ULK2: variants seen among roughly 807,000 people sequenced by gnomAD.
ULK2 encodes the protein serine/threonine-protein kinase ULK2.
ULK2 carries 76 observed loss-of-function variants against 127.5 expected under a neutral mutation model. That is an observed-to-expected ratio of 0.60 (90% CI 0.50 to 0.72). The LOEUF is 0.72. Among genes scored for constraint, ULK2 ranks in the 30% least tolerant of loss-of-function variants. The probability of loss-of-function intolerance (pLI) is 0.00; values close to 1 mark genes in which losing one functional copy is unlikely to be tolerated. For synonymous variants in ULK2, 452 were observed against 461.9 expected (o/e 0.98, Z 0.28); for missense variants, 1,144 against 1,295.9 (o/e 0.88, Z 1.80).
intron 20 of ULK2, 112 bp downstream of exon 20, chr17:19,795,510 A>G (rs1033526266): frequency 4.4e-6 from 4 of 900,742 alleles, no homozygotes; most frequent in East Asian, 2.4e-5. Flanking sequence ...GAAATAATAC[A>G]TTTGTGTTGT....
At chr17:19,852,801 TTTGTTGTTG>T (rs1169484249) in intron 3 of ULK2, among the ~76,000 whole-genome samples, 1 of 151,190 alleles carries the variant, frequency 6.6e-6, no homozygotes. Flanking sequence ...TGGCTAGTTT[TTTGTTGTTG>T]TTGTTGTTGT....
At chr17:19,821,938 G>A (rs1363232208) in intron 12 of ULK2, among the ~76,000 whole-genome samples, 1 of 151,026 alleles carries the variant, frequency 6.6e-6, no homozygotes, top group African/African-American at 2.4e-5. Context: ...CTCCCACCTT[G>A]GCCTTCCAAA....
chr17:19,814,456 T>TTG (rs1555557154), intron 13 of ULK2, among the ~76,000 whole-genome samples: 3 of 18,258 alleles, frequency 1.6e-4, no homozygotes, highest in South Asian at 1.8e-3. Context: ...TTTTTTTTTT[T>TTG]TTTTTTTGGA....
chr17:19,849,513 T>C (rs1193375794), intron 4 of ULK2, 108 bp from the exon 5 acceptor site: 5 of 1,168,044 alleles, frequency 4.3e-6, no homozygotes, highest in Non-Finnish European at 6.1e-6. Flanking sequence ...GTCATGTAAA[T>C]ATAGCCTAAA....
chr17:19,779,287 T>C (rs955247164), intron 25 of ULK2, among the ~76,000 whole-genome samples: 5 of 151,968 alleles, frequency 3.3e-5, no homozygotes, highest in African/African-American at 1.2e-4. Context: ...TCCCAGCACT[T>C]TGGGAGGCCG....
At chr17:19,800,226 T>G (rs1250169196) in intron 16 of ULK2, among the ~76,000 whole-genome samples, 1 of 152,222 alleles carries the variant, frequency 6.6e-6, no homozygotes, top group Non-Finnish European at 1.5e-5. Context: ...CTCCCCTTCA[T>G]TCTTCACAGA....
At chr17:19,786,663 G>A (rs993031359) in intron 20 of ULK2, among the ~76,000 whole-genome samples, 6 of 150,436 alleles carry the variant, frequency 4.0e-5, no homozygotes, top group Admixed American at 2.0e-4. Flanking sequence ...GCAGTGAGCT[G>A]AGATCATGCC....
At chr17:19,777,959 A>G (rs556771932) in intron 25 of ULK2, among the ~76,000 whole-genome samples, 16 of 152,334 alleles carry the variant, frequency 1.1e-4, no homozygotes, top group African/African-American at 3.8e-4. Flanking sequence ...TGCTTCATAA[A>G]TTTCATACTA....
intron 12 of ULK2, among the ~76,000 whole-genome samples, chr17:19,821,489 A>G (rs2041143037): frequency 6.7e-6 from 1 of 149,084 alleles, no homozygotes; most frequent in African/African-American, 2.4e-5. Flanking sequence ...TGAGAATGTA[A>G]AAACGACAAC....
intron 10 of ULK2, among the ~76,000 whole-genome samples, chr17:19,833,587 G>A (rs903281685): frequency 1.3e-5 from 2 of 152,072 alleles, no homozygotes; most frequent in African/African-American, 4.8e-5. Context: ...GTGGGCGCCT[G>A]TAGTCCCAGC....
At chr17:19,834,326 G>A (rs2041537609) in intron 10 of ULK2, among the ~76,000 whole-genome samples, 1 of 151,988 alleles carries the variant, frequency 6.6e-6, no homozygotes, top group Non-Finnish European at 1.5e-5. Context: ...TAATTATGTA[G>A]ATAATTATGG....
In ULK2 at chr17:19,772,871, G is replaced by C. The variant is rs1011174024; in HGVS notation, c.*3478C>G. 6.6e-6 allele frequency: 1 copy of C among 152,444 alleles called. No homozygotes were observed. The highest frequency in any genetic ancestry group is 1.5e-5 in the Non-Finnish European group (1 of 68,266). 9.4% of individuals were successfully genotyped at this position (152,444 alleles called of 1,614,324 possible). Reference sequence around the variant, plus strand: ...CAGGCGCCTGTAGTCCCAGCTACTCGGGAGGCTGAGGCGGGAGAATGGCAT... The same window carrying C: ...CAGGCGCCTGTAGTCCCAGCTACTCCGGAGGCTGAGGCGGGAGAATGGCAT... On this transcript the variant is annotated 3_prime_UTR_variant, in exon 27 of 27. Coordinates refer to ENST00000395544, the MANE Select transcript of ULK2 (RefSeq NM_014683.4).
At chr17:19,859,530 G>A (rs529773608) in intron 3 of ULK2, among the ~76,000 whole-genome samples, 1 of 152,166 alleles carries the variant, frequency 6.6e-6, no homozygotes, top group African/African-American at 2.4e-5. Flanking sequence ...TTAAAAGATA[G>A]CTAATATCTT....
chr17:19,864,924 G>A (rs555992962), intron 2 of ULK2, 80 bp from the exon 3 acceptor site: 69 of 585,080 alleles, frequency 1.2e-4, no homozygotes, highest in African/African-American at 1.1e-3. Context: ...TAAAATTAAA[G>A]TATACACATA....
intron 3 of ULK2, among the ~76,000 whole-genome samples, chr17:19,857,527 T>A (rs1406773770): frequency 6.6e-6 from 1 of 152,184 alleles, no homozygotes; most frequent in Non-Finnish European, 1.5e-5. Context: ...TCCAATTCTA[T>A]TTTTTGTCAG....
At chr17:19,843,615 G>C (rs1405735323) in intron 7 of ULK2, among the ~76,000 whole-genome samples, 1 of 151,732 alleles carries the variant, frequency 6.6e-6, no homozygotes, top group Non-Finnish European at 1.5e-5. Context: ...AATGCAATCA[G>C]GGAGAGGTAC....
chr17:19,795,961 C>A, intron 19 of ULK2, 134 bp downstream of exon 19: 1 of 1,251,880 alleles, frequency 8.0e-7, no homozygotes, highest in East Asian at 2.4e-5. Flanking sequence ...TCTAAATGTA[C>A]GTGGTACATA....
chr17:19,794,040 A>G (rs980298897), intron 20 of ULK2, among the ~76,000 whole-genome samples: 24 of 152,248 alleles, frequency 1.6e-4, no homozygotes, highest in African/African-American at 5.8e-4. Context: ...AGGAAATGCT[A>G]AAAATCAAAA....
chr17:19,854,525 A>G (rs1212205900), intron 3 of ULK2, among the ~76,000 whole-genome samples: 1 of 152,178 alleles, frequency 6.6e-6, no homozygotes, highest in Admixed American at 6.6e-5. Context: ...TAACAGTCTT[A>G]CAGAAGACTT....
Sources: gnomAD v4.1 joint callset for allele counts (sites outside exome capture counted in the v4.1 genomes callset) on GRCh38, gnomAD v4.1.1 for gene constraint, MANE v1.5 for transcripts, NCBI Gene and HGNC (gene_info 2026-07-23, HGNC 2026-07-21) for gene names.